The following KCTD16 variants were observed in gnomAD, a reference collection of about 807,000 sequenced individuals.
The protein encoded by KCTD16 is potassium channel tetramerization domain containing 16.
KCTD16 carries 13 observed loss-of-function variants against 33.2 expected under a neutral mutation model. That is an observed-to-expected ratio of 0.39 (90% confidence interval 0.25 to 0.62). KCTD16 has a LOEUF of 0.62. Ranked by LOEUF, KCTD16 falls within the 20% of genes least tolerant of loss-of-function variation. The pLI, the probability that KCTD16 is intolerant of heterozygous loss-of-function variation, is 0.50. For missense variants in KCTD16, 441 were observed against 525.1 expected, an observed-to-expected ratio of 0.84 and a Z score of 1.57; for synonymous variants, 197 against 195.3, an observed-to-expected ratio of 1.01 and a Z score of -0.07.
intron 3 of KCTD16, among the ~76,000 whole-genome samples, chr5:144,301,470 C>A (rs1380886970): frequency 2.0e-5 from 3 of 152,104 alleles, no homozygotes; most frequent in Non-Finnish European, 4.4e-5. Context: ...TGCCCTGACT[C>A]CTCAGCAAAA....
At chr5:144,302,995 G>C (rs1467723236) in intron 3 of KCTD16, among the ~76,000 whole-genome samples, 2 of 152,144 alleles carry the variant, frequency 1.3e-5, no homozygotes, top group African/African-American at 4.8e-5. Context: ...TATTGTACAG[G>C]GAAATCTAAT....
chr5:144,228,419 C>T (rs929144074), intron 3 of KCTD16, among the ~76,000 whole-genome samples: 1 of 152,124 alleles, frequency 6.6e-6, no homozygotes, highest in Non-Finnish European at 1.5e-5. Flanking sequence ...ATGTGGAGGT[C>T]ATTGATAACT....
At chr5:144,468,455 T>C (rs1167757948) in intron 3 of KCTD16, among the ~76,000 whole-genome samples, 1 of 152,156 alleles carries the variant, frequency 6.6e-6, no homozygotes, top group African/African-American at 2.4e-5. Context: ...AAGCCCCCAC[T>C]GGGCCCCTCC....
At chr5:144,305,485 A>G (rs1272036828) in intron 3 of KCTD16, among the ~76,000 whole-genome samples, 1 of 152,192 alleles carries the variant, frequency 6.6e-6, no homozygotes, top group African/African-American at 2.4e-5. Context: ...GAGAAACCAG[A>G]GAGGCATATG....
At chr5:144,443,970 A>G (rs1462895447) in intron 3 of KCTD16, among the ~76,000 whole-genome samples, 1 of 152,030 alleles carries the variant, frequency 6.6e-6, no homozygotes, top group Non-Finnish European at 1.5e-5. Flanking sequence ...GTAATTTTTG[A>G]TAACTTTCTT....
intron 3 of KCTD16, among the ~76,000 whole-genome samples, chr5:144,373,110 TGGCTTAGGCAGCTGGGTAG>T (rs1752005344): frequency 6.6e-6 from 1 of 152,158 alleles, no homozygotes; most frequent in Non-Finnish European, 1.5e-5. Context: ...TCTGAAATCC[TGGCTTAGGCAGCTGGGTAG>T]ATGGTGGTGC....
chr5:144,215,455 G>A (rs1561532116), intron 3 of KCTD16, among the ~76,000 whole-genome samples: 2 of 152,128 alleles, frequency 1.3e-5, no homozygotes, highest in African/African-American at 4.8e-5. Context: ...TCCCATAAAT[G>A]TTAATTATCA....
chr5:144,426,731 G>A (rs1337727098), intron 3 of KCTD16, among the ~76,000 whole-genome samples: 1 of 151,996 alleles, frequency 6.6e-6, no homozygotes, highest in Non-Finnish European at 1.5e-5. Context: ...GGTATCATAG[G>A]GCAAGCAAGT....
At chr5:144,473,572 T>G in intron 3 of KCTD16, 88 bp from the exon 4 acceptor site, 1 of 1,218,190 alleles carries the variant, frequency 8.2e-7, no homozygotes, top group Non-Finnish European at 1.2e-6. Flanking sequence ...TTCTCTTATG[T>G]GTGTTTCTGT....
At chr5:144,217,907 G>A (rs1202171062) in intron 3 of KCTD16, among the ~76,000 whole-genome samples, 1 of 151,606 alleles carries the variant, frequency 6.6e-6, no homozygotes, top group African/African-American at 2.4e-5. Flanking sequence ...ACATCCTTTT[G>A]ACAGAGTGAC....
intron 3 of KCTD16, among the ~76,000 whole-genome samples, chr5:144,324,688 A>G (rs1378446425): frequency 6.6e-6 from 1 of 152,228 alleles, no homozygotes; most frequent in African/African-American, 2.4e-5. Context: ...ATACCCATCA[A>G]TGATACATTG....
intron 3 of KCTD16, among the ~76,000 whole-genome samples, chr5:144,451,363 A>G (rs1753937553): frequency 6.6e-6 from 1 of 152,180 alleles, no homozygotes; most frequent in Admixed American, 6.6e-5. Context: ...AAGAGACCAC[A>G]TGGTGATTCT....
chr5:144,171,095 C>G (rs1177770490), intron 1 of KCTD16, 86 bp downstream of exon 1: 1 of 152,214 alleles, frequency 6.6e-6, no homozygotes, highest in African/African-American at 2.4e-5. Context: ...TTCATTCATT[C>G]TGTGCTAGCT....
intron 2 of KCTD16, among the ~76,000 whole-genome samples, chr5:144,197,360 T>C (rs1235696111): frequency 2.0e-5 from 3 of 152,152 alleles, no homozygotes; most frequent in Non-Finnish European, 4.4e-5. Flanking sequence ...TCATAAACAT[T>C]TCACTTTTCA....
At chr5:144,422,045 C>T (rs1431926724) in intron 3 of KCTD16, among the ~76,000 whole-genome samples, 1 of 152,102 alleles carries the variant, frequency 6.6e-6, no homozygotes, top group Non-Finnish European at 1.5e-5. Context: ...CAACCAATGT[C>T]CCTCATCTAC....
intron 3 of KCTD16, among the ~76,000 whole-genome samples, chr5:144,313,546 T>A (rs1751826701): frequency 6.6e-6 from 1 of 152,184 alleles, no homozygotes; most frequent in African/African-American, 2.4e-5. Flanking sequence ...ACAATTTTTT[T>A]AAAACTGTGA....
intron 1 of KCTD16, among the ~76,000 whole-genome samples, chr5:144,173,883 G>A (rs1162721661): frequency 6.7e-6 from 1 of 149,402 alleles, no homozygotes; most frequent in Non-Finnish European, 1.5e-5. Context: ...GGCTAGTCAC[G>A]TAGGAATTTC....
chr5:144,471,464 A>G (rs1490038458), intron 3 of KCTD16, among the ~76,000 whole-genome samples: 1 of 152,092 alleles, frequency 6.6e-6, no homozygotes, highest in Non-Finnish European at 1.5e-5. Context: ...GCTAAATTCA[A>G]TTTCTACACT....
At chr5:144,229,689 A>G (rs1235499324) in intron 3 of KCTD16, among the ~76,000 whole-genome samples, 1 of 152,180 alleles carries the variant, frequency 6.6e-6, no homozygotes, top group Non-Finnish European at 1.5e-5. Flanking sequence ...AAGATTCATC[A>G]TCTCTCTTAC....
Sources: allele counts gnomAD v4.1 joint callset (sites outside exome capture counted in the v4.1 genomes callset), GRCh38; gene constraint gnomAD v4.1.1; transcripts MANE v1.5; gene names NCBI Gene and HGNC (gene_info 2026-07-23, HGNC 2026-07-21).